ZAN: variants seen among roughly 807,000 people sequenced by gnomAD.
ZAN encodes the protein zonadhesin, also known as zonadhesin (gene/pseudogene).
In ZAN, 260 loss-of-function variants were observed where a neutral mutation model predicts 286.2. The ratio of observed to expected loss-of-function variants is 0.91; its 90% CI spans 0.82 to 1.01. The LOEUF is 1.01. Ranked by LOEUF, ZAN falls within the 50% of genes least tolerant of loss-of-function variation. The pLI, the probability that ZAN is intolerant of heterozygous loss-of-function variation, is 0.00. For synonymous variants in ZAN, 1,368 were observed against 1,417.5 expected, an observed-to-expected ratio of 0.97 and a Z score of 0.79; for missense variants, 3,410 against 3,639.2, an observed-to-expected ratio of 0.94 and a Z score of 1.62.
chr7:100,757,155 T>G (rs550960937), intron 15 of ZAN, among the ~76,000 whole-genome samples: 1 of 151,996 alleles, frequency 6.6e-6, no homozygotes, highest in South Asian at 2.1e-4. Flanking sequence ...GTTTGTTTTT[T>G]GGGGTTTTTT....
rs772729013 is a variant in ZAN, at chr7:100,748,213, G to A, written c.1100G>A (p.Gly367Glu). ...AVDATSIAPC[G>E]EGFPQCDFED... ...GATGCAACCAGCATTGCTCCTTGTG[G>A]GGGTGAGAGCAGGCCCTGAGAGGCC... The change falls in exon 10 of 48, where the codon GGG (glycine) becomes GAG (glutamate). Residue 367 changes from glycine to glutamate, a missense_variant and splice_region_variant. By Grantham distance (98) the Gly-to-Glu change is moderately conservative. This residue lies in a region of ZAN where 872 missense variants were observed against 938.9 expected (regional missense o/e 0.93). Coordinates refer to ENST00000613979, the MANE Select transcript of ZAN (RefSeq NM_003386.3). 1.9e-5 allele frequency: 31 copies of A among 1,613,914 alleles called. No individual in the cohort carries two copies. Among genetic ancestry groups the A allele is most frequent in the Admixed American group, 5.0e-5 (3 of 59,992 alleles).
rs369052323 is a variant in ZAN, at chr7:100,751,985, C to A, written c.1880C>A (p.Thr627Asn). Residue 627 changes from threonine (T) to asparagine (N), a missense_variant, in exon 14 of 48, where the codon ACC (threonine) becomes AAC (asparagine). This residue lies in a region of ZAN where 872 missense variants were observed against 938.9 expected (regional missense o/e 0.93). Transcript: ENST00000613979. ...CCCACCATTCCCTCAGAAAAACCCA[C>A]CATCCTCACAGAAAAACCCACCATT... ...EKPTIPSEKP[T>N]ILTEKPTIPS... 3.1e-6 allele frequency: 5 copies of A among 1,612,828 alleles called. No homozygotes were observed. The highest frequency in any genetic ancestry group is 2.7e-5 in the African/African-American group (2 of 74,686).
chr7:100,797,501 G>A (rs769967459), intron 46 of ZAN, 36 bp downstream of exon 46: 3 of 1,613,758 alleles, frequency 1.9e-6, no homozygotes, highest in African/African-American at 2.7e-5. Context: ...GGGCGGGTGG[G>A]GTGTGCAAAC....
rs202196428 is a variant in ZAN, at chr7:100,748,389, G to A, written c.1168G>A (p.Gly390Arg). The A allele has an allele frequency of 6.2e-5, 100 of 1,613,864 alleles. No individual in the cohort carries two copies. The Admixed American group carries it at 8.7e-4, about 14-fold the overall frequency. The part of the protein sequence containing the change: ...HPFCDWVQTS[G>R]DGGHWALGHK... ...CTTCTGTGACTGGGTCCAGACTTCC[G>A]GGGATGGTGGACACTGGGCCCTCGG... Residue 390 changes from glycine (G) to arginine (R), a missense_variant, in exon 11 of 48, where the codon GGG (glycine) becomes AGG (arginine). By Grantham distance (125) the Gly-to-Arg change is moderately radical. Around this residue, in one of 7 missense-constraint regions of ZAN, gnomAD observed 872 missense variants for 938.9 expected, o/e 0.93. Coordinates refer to ENST00000613979, the MANE Select transcript of ZAN (RefSeq NM_003386.3).
At chr7:100,764,919 A>G (rs1475629142) in intron 22 of ZAN, among the ~76,000 whole-genome samples, 3 of 151,800 alleles carry the variant, frequency 2.0e-5, no homozygotes, top group African/African-American at 7.3e-5. Context: ...AAGTCATCAC[A>G]CGCAGGCACA....
At chr7:100,750,971 T>C in intron 12 of ZAN, 75 bp downstream of exon 12, 1 of 1,506,548 alleles carries the variant, frequency 6.6e-7, no homozygotes, top group Non-Finnish European at 8.8e-7. Context: ...GCGCCACCAG[T>C]GCTGAAGAGG....
At chr7:100,739,668 T>A (rs1807605345) in intron 7 of ZAN, among the ~76,000 whole-genome samples, 2 of 130,180 alleles carry the variant, frequency 1.5e-5, no homozygotes, top group Non-Finnish European at 1.7e-5. Context: ...ATTTATTTAT[T>A]TATTTTGGAG....
At chr7:100,789,656 T>A (rs117830768) in intron 39 of ZAN, among the ~76,000 whole-genome samples, 1 of 150,642 alleles carries the variant, frequency 6.6e-6, no homozygotes, top group South Asian at 2.1e-4. Context: ...ACAAAAAAAA[T>A]TTTAAAGGCC....
At chr7:100,746,458 C>T (rs1808224493) in intron 7 of ZAN, 80 bp from the exon 8 acceptor site, 12 of 1,526,898 alleles carry the variant, frequency 7.9e-6, no homozygotes, top group Non-Finnish European at 1.1e-5. Flanking sequence ...GACAAGTCCA[C>T]AGCCTCCTCA....
At position 100,763,985 on chromosome 7, in the gene ZAN, C is replaced by A; in HGVS notation, c.4098-42C>A. ...CACCTGGGCTCCTCCAAGGCTCTAC[C>A]CCCTTCCACTGCATTCCCCCTGACT... On this transcript the variant is annotated intron_variant, in intron 21 of 47. Coordinates refer to ENST00000613979, the MANE Select transcript of ZAN (RefSeq NM_003386.3). This position sits in a 1 kb window ranked among gnomAD's most constrained non-coding sequence, Gnocchi z 4.6. 6.2e-7 allele frequency: 1 copy of A among 1,613,768 alleles called. No individual in the cohort carries two copies. Among genetic ancestry groups the A allele is most frequent in the Non-Finnish European group, 8.5e-7 (1 of 1,179,750 alleles).
intron 44 of ZAN, 75 bp from the exon 45 acceptor site, chr7:100,795,121 C>T (rs1454072585): frequency 2.6e-6 from 4 of 1,513,572 alleles, no homozygotes; most frequent in Non-Finnish European, 3.5e-6. Flanking sequence ...GGCGTCCCAG[C>T]CCCCAGCCAG....
rs764076774 is a variant in ZAN, at chr7:100,797,351, C to T, written c.8267-15C>T. 1 of 1,612,890 alleles carries T rather than the reference C, an allele frequency of 6.2e-7. No homozygotes were observed. Among genetic ancestry groups the T allele is most frequent in the Non-Finnish European group, 8.5e-7 (1 of 1,179,192 alleles). ...TCTCACGTTCGACCTAATGTCTCTT[C>T]CCCGCACCCAGAAGCATCTAACCTG... On this transcript the variant is annotated splice_polypyrimidine_tract_variant and intron_variant, in intron 45 of 47. Coordinates refer to ENST00000613979, the MANE Select transcript of ZAN (RefSeq NM_003386.3).
chr7:100,771,591 C>G (rs1810372024), intron 28 of ZAN, among the ~76,000 whole-genome samples: 2 of 152,002 alleles, frequency 1.3e-5, no homozygotes, highest in South Asian at 2.1e-4. Flanking sequence ...TCTACTATGC[C>G]CTGCTAATTT....
At position 100,747,386 on chromosome 7, in the gene ZAN, C is replaced by A. The variant is rs57268299; in HGVS notation, c.932-164C>A. 2.9e-3 allele frequency among the ~76,000 whole-genome samples: 431 copies of A among 150,172 alleles called. 1 individual carries two copies. Among genetic ancestry groups the A allele is most frequent in the African/African-American group, 0.01 (413 of 40,940 alleles). ...TGGGCAACAGAGCAATACTCCATCT[C>A]AAAAAAAAATAATGAATAAATAAAA... On this transcript the variant is annotated intron_variant, in intron 8 of 47. Transcript: ENST00000613979.
At chr7:100,766,376 G>A (rs1254520786) in intron 23 of ZAN, 149 bp from the exon 24 acceptor site, 8 of 1,035,428 alleles carry the variant, frequency 7.7e-6, no homozygotes, top group Non-Finnish European at 1.1e-5. Flanking sequence ...CTTTTGCAGC[G>A]AATCTCGGAG....
rs558871645 is a variant in ZAN at position 100,770,190 on chromosome 7, C to CT, written c.5248+227dup. Among the ~76,000 whole-genome samples, 302 of 146,548 alleles carry CT rather than the reference C, an allele frequency of 2.1e-3. 1 individual carries two copies. Among genetic ancestry groups the CT allele is most frequent in the African/African-American group, 5.3e-3 (214 of 40,246 alleles). ...CAGGCAGTAGATAAATCCGGGATTT[C>CT]TTTTTTTTTTTCCTATTAAAAATGT... On this transcript the variant is annotated intron_variant, in intron 28 of 47. Coordinates refer to ENST00000613979, the MANE Select transcript of ZAN (RefSeq NM_003386.3).
rs750335987 is a variant in ZAN at position 100,755,370 on chromosome 7, C to T, written c.3269C>T (p.Ala1090Val). ...FLFSDNHCIQASSCNCFYNND... is the reference protein window; with the variant it reads ...FLFSDNHCIQVSSCNCFYNND... ...TTTAGTGACAACCACTGCATCCAGG[C>T]CTCTTCCTGCAATTGCTTCTACAAC... The change falls in exon 15 of 48, where the codon GCC becomes GTC. Residue 1090 changes from alanine to valine, a missense_variant. Ala to Val is a moderately conservative substitution (Grantham distance 64). Coordinates refer to ENST00000613979, the MANE Select transcript of ZAN (RefSeq NM_003386.3). 15 of 1,613,496 alleles carry T rather than the reference C, an allele frequency of 9.3e-6. No homozygotes were observed. Among genetic ancestry groups the T allele is most frequent in the Non-Finnish European group, 1.3e-5 (15 of 1,179,802 alleles).
rs1811918431 is a variant in ZAN, at chr7:100,791,069, C to T, written c.7485C>T (p.Asn2495=). Residue 2495 remains asparagine (N), a synonymous_variant, in exon 40 of 48, where the codon AAC becomes AAT. Transcript: ENST00000613979. ...CCCAGAACCTCAACACCTTTGGCAA[C>T]AGCTGGGAGGTGAAGACCGAGGACG... ...ALTQNLNTFG[N]SWEVKTEDAL... 6.2e-7 allele frequency: 1 copy of T among 1,613,086 alleles called. No homozygotes were observed. Among genetic ancestry groups the T allele is most frequent in the Non-Finnish European group, 8.5e-7 (1 of 1,179,734 alleles).
In ZAN at chr7:100,734,184, T is replaced by G; in HGVS notation, c.16T>G (p.Trp6Gly). Residue 6 changes from tryptophan (W) to glycine (G), a missense_variant, in exon 2 of 48, where the codon TGG (tryptophan) becomes GGG (glycine). Trp to Gly is a radical substitution (Grantham distance 184). This residue lies in a region of ZAN where 872 missense variants were observed against 938.9 expected (regional missense o/e 0.93). Transcript: ENST00000613979. MVPPV[W>G]TLLLLVGAAL... The stretch of plus-strand genomic sequence containing the variant: ...TAGGGTCCTCATGGTTCCTCCAGTC[T>G]GGACTCTGCTGCTTCTGGTGGGGGC... 1 of 1,459,112 alleles carries G rather than the reference T, an allele frequency of 6.9e-7. No homozygotes were observed. The highest frequency in any genetic ancestry group is 9.3e-7 in the Non-Finnish European group (1 of 1,073,308). The allele number at this position is 1,459,112 out of a possible 1,614,324, so 90.4% of individuals were successfully genotyped here. A position where few individuals can be genotyped will look rare whatever the true frequency, so the allele number is the denominator to read the frequency against.
Sources: gnomAD v4.1 joint callset for allele counts (sites outside exome capture counted in the v4.1 genomes callset) on GRCh38, gnomAD v4.1.1 for gene constraint, gnomAD v4.1.1 regional missense constraint, Gnocchi (gnomAD v3.1) non-coding constraint, MANE v1.5 for transcripts, NCBI Gene and HGNC (gene_info 2026-07-23, HGNC 2026-07-21) for gene names.